The following DIS3 variants were observed in gnomAD, a reference collection of about 807,000 sequenced individuals.
DIS3 encodes exosome complex exonuclease RRP44.
Under a neutral mutation model 113.0 loss-of-function variants are expected in DIS3, and 103 were observed. The observed-to-expected ratio is 0.91, with a 90% CI of 0.78 to 1.07. The LOEUF (loss-of-function observed/expected upper bound fraction) is 1.07, where lower values mean the gene tolerates loss of function less well. Ranked by LOEUF, DIS3 falls within the 50% of genes least tolerant of loss-of-function variation. The probability of loss-of-function intolerance (pLI) is 0.00; values close to 1 mark genes in which losing one functional copy is unlikely to be tolerated. For missense variants in DIS3, 1,121 were observed against 1,167.1 expected, an observed-to-expected ratio of 0.96 and a Z score of 0.58; for synonymous variants, 402 against 394.3, an observed-to-expected ratio of 1.02 and a Z score of -0.23.
In DIS3 at chr13:72,773,969, G is replaced by C. The variant is rs1189253293; in HGVS notation, c.1078C>G (p.Leu360Val). The C allele has an allele frequency of 1.9e-6, 3 of 1,609,882 alleles. No individual in the cohort carries two copies. Among genetic ancestry groups the C allele is most frequent in the South Asian group, 2.2e-5 (2 of 89,850 alleles). The change falls in exon 7 of 21, where the codon CTT becomes GTT. Residue 360 changes from leucine to valine, a missense_variant. Leu to Val is a conservative substitution (Grantham distance 32). Around this residue, in one of 3 missense-constraint regions of DIS3, gnomAD observed 861 missense variants for 915.5 expected, o/e 0.94. Transcript: ENST00000377767. ...ACCTCCTTAATGTCAGACTTGGAAA[G>C]CATGCCACAATATGGTCTCCAATTC... ...KRNWRPYCGM[L>V]SKSDIKESRR... is the part of the protein sequence containing the mutation.
chr13:72,759,706 CTG>C lies in DIS3; in HGVS notation c.*87_*88del. Reference sequence around the variant, plus strand: ...TTAAAATGTACTTAAAAGTAACAAACTGTATCACACACTTAGGCTTAGAAGTG... The same window carrying C: ...TTAAAATGTACTTAAAAGTAACAAACTATCACACACTTAGGCTTAGAAGTG... On this transcript the variant is annotated 3_prime_UTR_variant, in exon 21 of 21. Transcript: ENST00000377767. 2 of 971,698 alleles carry C rather than the reference CTG, an allele frequency of 2.1e-6. No homozygotes were observed. The highest frequency in any genetic ancestry group is 1.5e-6 in the Non-Finnish European group (1 of 645,974). 60.2% of individuals were successfully genotyped at this position (971,698 alleles called of 1,614,324 possible).
At chr13:72,781,485 G>A (rs1159182626) in intron 1 of DIS3, 120 bp downstream of exon 1, 14 of 1,430,032 alleles carry the variant, frequency 9.8e-6, no homozygotes, top group Non-Finnish European at 1.3e-5. Flanking sequence ...TCCCGAGGGG[G>A]TTTCCCTTTC....
intron 1 of DIS3, chr13:72,781,308 G>A (rs894816109): frequency 6.4e-7 from 1 of 1,551,108 alleles, no homozygotes; most frequent in African/African-American, 1.4e-5. Context: ...GGGAGTCGCA[G>A]GCTGGAGGCC....
chr13:72,774,070 A>C lies in DIS3; in HGVS notation c.988-11T>G. 1 of 1,553,618 alleles carries C rather than the reference A, an allele frequency of 6.4e-7. No individual in the cohort carries two copies. The highest frequency in any genetic ancestry group is 1.2e-5 in the South Asian group (1 of 84,228). ...TACAGCAGTCTTAAGCTGAGATATA[A>C]AAATTAAAATGTTCAGTTATATTCC... On this transcript the variant is annotated splice_polypyrimidine_tract_variant and intron_variant, in intron 6 of 20. Transcript: ENST00000377767.
At chr13:72,780,790 T>A (rs2034169314) in intron 2 of DIS3, 56 bp downstream of exon 2, 8 of 1,499,574 alleles carry the variant, frequency 5.3e-6, no homozygotes, top group Non-Finnish European at 6.3e-6. Context: ...AGGAACCCTC[T>A]CCCGAATTTT....
At chr13:72,775,815 A>G in intron 5 of DIS3, 110 bp downstream of exon 5, 1 of 961,072 alleles carries the variant, frequency 1.0e-6, no homozygotes, top group Non-Finnish European at 1.5e-6. Context: ...ATTTGCTTTA[A>G]AGTATGTGAA....
rs1413258245 is a variant in DIS3, at chr13:72,768,862, C to A, written c.1806G>T (p.Met602Ile). 6.2e-7 allele frequency: 1 copy of A among 1,606,758 alleles called. No homozygotes were observed. The highest frequency in any genetic ancestry group is 2.2e-5 in the East Asian group (1 of 44,692). ...EAQLRIDSAN[M>I]NDDITTSLRG... ...GGAGACTAGTGGTAATATCATCATT[C>A]ATGTTTGCTGAATCAATTCTCAACT... The change falls in exon 14 of 21, where the codon ATG becomes ATT. Residue 602 changes from methionine (M) to isoleucine (I), a missense_variant. Around this residue, in one of 3 missense-constraint regions of DIS3, gnomAD observed 861 missense variants for 915.5 expected, o/e 0.94. Transcript: ENST00000377767.
At position 72,756,413 on chromosome 13, in the gene DIS3, A is replaced by T. The variant is rs1284126140; in HGVS notation, c.*3382T>A. 6.6e-6 allele frequency: 1 copy of T among 152,592 alleles called. No individual in the cohort carries two copies. Among genetic ancestry groups the T allele is most frequent in the African/African-American group, 2.4e-5 (1 of 41,464 alleles). 9.5% of individuals were successfully genotyped at this position (152,592 alleles called of 1,614,324 possible). A position where few individuals can be genotyped will look rare whatever the true frequency, so the allele number is the denominator to read the frequency against. ...AAATTTACCTAAAAACAATTGCTAT[A>T]CCTAAAAGGAGTTCTGGGTACTAAG... On this transcript the variant is annotated 3_prime_UTR_variant, in exon 21 of 21. Transcript: ENST00000377767.
In DIS3 at chr13:72,752,785, G is replaced by A. The variant is rs976443003; in HGVS notation, c.*7010C>T. ...TCAGGATTATTAAGTGATAAAGAGT[G>A]CCGTTTCTAGGCTAGTCTGTACCTT... On this transcript the variant is annotated 3_prime_UTR_variant, in exon 21 of 21. Transcript: ENST00000377767. The A allele has an allele frequency of 2.0e-5, 3 of 152,066 alleles. No individual in the cohort carries two copies. The highest frequency in any genetic ancestry group is 2.9e-5 in the Non-Finnish European group (2 of 68,024). 9.4% of individuals were successfully genotyped at this position (152,066 alleles called of 1,614,324 possible). A position where few individuals can be genotyped will look rare whatever the true frequency, so the allele number is the denominator to read the frequency against.
rs754907760 is a variant in DIS3, at chr13:72,780,992, A to C, written c.240T>G (p.Leu80=). ...TTACATTCCTGATGGCAGGGTCCTC[A>C]AGAACATCAATCTTAAAGAAAGATA... ...TNVLLHQIDV[L]EDPAIRNVIV... is the part of the protein sequence containing the mutation. Residue 80 remains leucine (L), a synonymous_variant, in exon 2 of 21, where the codon CTT becomes CTG. Coordinates refer to ENST00000377767, the MANE Select transcript of DIS3 (RefSeq NM_014953.5). The C allele has an allele frequency of 1.2e-6, 2 of 1,602,596 alleles. No individual in the cohort carries two copies. The highest frequency in any genetic ancestry group is 2.7e-5 in the African/African-American group (2 of 73,958).
In DIS3 at chr13:72,775,111, T is replaced by C. The variant is rs2033976647; in HGVS notation, c.987+100A>G. ...CGTTAAATATACAGAACTATGATTTTATGCAATAAATCTGAAAGCAATGAA... is the reference window on the plus strand; with the variant it reads ...CGTTAAATATACAGAACTATGATTTCATGCAATAAATCTGAAAGCAATGAA... On this transcript the variant is annotated intron_variant, in intron 6 of 20. Transcript: ENST00000377767. The C allele has an allele frequency of 4.6e-6, 6 of 1,290,398 alleles. No homozygotes were observed. The South Asian group carries it at 6.6e-5, about 14-fold the overall frequency. 79.9% of individuals were successfully genotyped at this position (1,290,398 alleles called of 1,614,324 possible).
chr13:72,759,702 C>G lies in DIS3; in HGVS notation c.*93G>C, dbSNP rs149596935. 2.1e-5 allele frequency: 20 copies of G among 938,378 alleles called. No individual in the cohort carries two copies. In the African/African-American group the frequency reaches 3.3e-4, roughly 16 times the overall value. 58.1% of individuals were successfully genotyped at this position (938,378 alleles called of 1,614,324 possible). On this transcript the variant is annotated 3_prime_UTR_variant, in exon 21 of 21. Coordinates refer to ENST00000377767, the MANE Select transcript of DIS3 (RefSeq NM_014953.5). ...ATTATTAAAATGTACTTAAAAGTAACAAACTGTATCACACACTTAGGCTTA... is the reference window on the plus strand; with the variant it reads ...ATTATTAAAATGTACTTAAAAGTAAGAAACTGTATCACACACTTAGGCTTA...
At position 72,774,061 on chromosome 13, in the gene DIS3, T is replaced by C. The variant is rs2138215663; in HGVS notation, c.988-2A>G. On this transcript the variant is annotated splice_acceptor_variant, in intron 6 of 20. Coordinates refer to ENST00000377767, the MANE Select transcript of DIS3 (RefSeq NM_014953.5). LOFTEE classifies it high-confidence loss of function. ...TTTCTCGCTTACAGCAGTCTTAAGC[T>C]GAGATATAAAAATTAAAATGTTCAG... 6.4e-7 allele frequency: 1 copy of C among 1,572,142 alleles called. No homozygotes were observed. The highest frequency in any genetic ancestry group is 1.2e-5 in the South Asian group (1 of 85,024).
chr13:72,775,429 T>TA, intron 5 of DIS3, 54 bp from the exon 6 acceptor site: 1 of 1,514,484 alleles, frequency 6.6e-7, no homozygotes, highest in Admixed American at 2.2e-5. Flanking sequence ...GGCAATATAA[T>TA]AAAGGGAAGA....
chr13:72,760,410 G>A, intron 20 of DIS3, 119 bp downstream of exon 20: 1 of 1,254,350 alleles, frequency 8.0e-7, no homozygotes, highest in Non-Finnish European at 1.1e-6. Context: ...CAAATATTTG[G>A]TTTCTACACT....
At position 72,778,358 on chromosome 13, in the gene DIS3, G is replaced by A; in HGVS notation, c.409C>T (p.Gln137Ter). 3 of 1,572,802 alleles carry A rather than the reference G, an allele frequency of 1.9e-6. No homozygotes were observed. The highest frequency in any genetic ancestry group is 2.6e-6 in the Non-Finnish European group (3 of 1,149,278). Reference protein sequence around the residue: ...HHRETYVEQEQGENANDRNDR... With the variant: ...HHRETYVEQE ...TTCCTGTCATTAGCATTTTCTCCCT[G>A]TTCTTGTTCTACATAGGTTTCTCTA... Residue 137 changes from glutamine (Q) to a stop codon, truncating the protein, a stop_gained, in exon 3 of 21, where the codon CAG becomes TAG. Coordinates refer to ENST00000377767, the MANE Select transcript of DIS3 (RefSeq NM_014953.5). LOFTEE classifies it high-confidence loss of function.
chr13:72,763,608 C>T lies in DIS3; in HGVS notation c.1971-1G>A. On this transcript the variant is annotated splice_acceptor_variant, in intron 15 of 20. Coordinates refer to ENST00000377767, the MANE Select transcript of DIS3 (RefSeq NM_014953.5). LOFTEE classifies it high-confidence loss of function. ...TTCTTCAACCATGGAATTTGTTTCC[C>T]TGCCAATGGAAAAAGCATTAAACAA... The T allele has an allele frequency of 6.2e-7, 1 of 1,607,656 alleles. No individual in the cohort carries two copies.
chr13:72,780,919 CG>C lies in DIS3; in HGVS notation c.312del (p.Val105TyrfsTer8). On this transcript the variant is annotated frameshift_variant, in exon 2 of 21. Transcript: ENST00000377767. LOFTEE classifies it high-confidence loss of function. ...GTCACATCTCGGATGCGTTTATATA[CG>C]GGGGCACTGCGATTTCTCACTTCTT... Reference protein sequence around the residue: ...VLQEVRNRSAPVYKRIRDVTN... With the variant: ...VLQEVRNRSAXVYKRIRDVTN... The C allele has an allele frequency of 6.2e-7, 1 of 1,613,106 alleles. No homozygotes were observed. Among genetic ancestry groups the C allele is most frequent in the African/African-American group, 1.3e-5 (1 of 74,790 alleles).
chr13:72,755,967 A>G lies in DIS3; in HGVS notation c.*3828T>C, dbSNP rs2033454462. 2.5e-6 allele frequency: 1 copy of G among 398,500 alleles called. No individual in the cohort carries two copies. Among genetic ancestry groups the G allele is most frequent in the Non-Finnish European group, 4.4e-6 (1 of 226,084 alleles). The allele number at this position is 398,500 out of a possible 1,614,324, so 24.7% of individuals were successfully genotyped here. Reference sequence around the variant, plus strand: ...AGAATGTGGGAGAACCAAGAGAAAAAGTGGGGCTGGGAGAGTGGAGTTCCC... The same window carrying G: ...AGAATGTGGGAGAACCAAGAGAAAAGGTGGGGCTGGGAGAGTGGAGTTCCC... On this transcript the variant is annotated 3_prime_UTR_variant, in exon 21 of 21. Transcript: ENST00000377767.
Sources: gnomAD v4.1 joint callset for allele counts on GRCh38, gnomAD v4.1.1 for gene constraint, gnomAD v4.1.1 regional missense constraint, MANE v1.5 for transcripts, NCBI Gene and HGNC (gene_info 2026-07-23, HGNC 2026-07-21) for gene names.